Variants in ANKRD31 observed in about 807,000 individuals in gnomAD.
The protein encoded by ANKRD31 is ankyrin repeat domain 31, also known as ankyrin repeat domain-containing protein 31.
ANKRD31 carries 147 observed loss-of-function variants against 186.0 expected under a neutral mutation model. The observed-to-expected ratio is 0.79, with a 90% CI of 0.69 to 0.91. ANKRD31 has a LOEUF of 0.91. Ranked by LOEUF, ANKRD31 falls within the 40% of genes least tolerant of loss-of-function variation. The probability of loss-of-function intolerance (pLI) is 0.00; values close to 1 mark genes in which losing one functional copy is unlikely to be tolerated. For missense variants in ANKRD31, 1,986 were observed against 2,148.8 expected, an observed-to-expected ratio of 0.92 and a Z score of 1.50; for synonymous variants, 673 against 736.4, an observed-to-expected ratio of 0.91 and a Z score of 1.39.
chr5:75,198,212 C>G (rs182361958), intron 6 of ANKRD31, among the ~76,000 whole-genome samples: 1 of 152,190 alleles, frequency 6.6e-6, no homozygotes, highest in Non-Finnish European at 1.5e-5. Context: ...CCCCCTTAAA[C>G]CTGTTCCAGA....
At chr5:75,184,569 A>G (rs1754569547) in intron 10 of ANKRD31, among the ~76,000 whole-genome samples, 1 of 151,966 alleles carries the variant, frequency 6.6e-6, no homozygotes, top group African/African-American at 2.4e-5. Flanking sequence ...TAATAATAAT[A>G]ATTCCATTTA....
intron 16 of ANKRD31, 78 bp downstream of exon 16, chr5:75,138,768 G>C: frequency 7.2e-7 from 1 of 1,382,820 alleles, no homozygotes. Flanking sequence ...GGAACAAATT[G>C]GAGGGGGCAG....
chr5:75,197,182 A>G lies in ANKRD31; in HGVS notation c.448-982T>C, dbSNP rs1227519624. ...CTCCCAAAGTACAGGGATTACACGCATGAGCCACCATGCCCAGCCTCACAA... is the reference window on the plus strand; with the variant it reads ...CTCCCAAAGTACAGGGATTACACGCGTGAGCCACCATGCCCAGCCTCACAA... On this transcript the variant is annotated intron_variant, in intron 6 of 25. Coordinates refer to ENST00000506364, the MANE Select transcript of ANKRD31 (RefSeq NM_001372053.1). 2.0e-5 allele frequency among the ~76,000 whole-genome samples: 3 copies of G among 152,302 alleles called. No individual in the cohort carries two copies. In the East Asian group the frequency reaches 5.8e-4, roughly 29 times the overall value.
chr5:75,144,829 T>C (rs1453443853), intron 14 of ANKRD31, among the ~76,000 whole-genome samples: 1 of 151,816 alleles, frequency 6.6e-6, no homozygotes, highest in Non-Finnish European at 1.5e-5. Flanking sequence ...TGGAAGAAAA[T>C]TTTTGCGATC....
intron 11 of ANKRD31, among the ~76,000 whole-genome samples, chr5:75,163,368 G>A (rs552451585): frequency 7.2e-5 from 11 of 152,282 alleles, no homozygotes; most frequent in Non-Finnish European, 1.0e-4. Context: ...GTGGGGCAAC[G>A]TGGGGAACCT....
intron 18 of ANKRD31, 31 bp downstream of exon 18, chr5:75,118,104 T>C (rs1474063678): frequency 7.4e-7 from 1 of 1,350,934 alleles, no homozygotes; most frequent in Non-Finnish European, 9.5e-7. Flanking sequence ...TATATCTCTA[T>C]ATAAAATAGC....
chr5:75,220,441 A>T (rs924676682), intron 3 of ANKRD31, among the ~76,000 whole-genome samples: 9 of 152,064 alleles, frequency 5.9e-5, no homozygotes, highest in African/African-American at 1.9e-4. Flanking sequence ...AAAGTTCGAG[A>T]CCAGCCGAAC....
intron 10 of ANKRD31, among the ~76,000 whole-genome samples, chr5:75,171,299 A>G (rs1212220713): frequency 6.6e-6 from 1 of 152,022 alleles, no homozygotes; most frequent in Non-Finnish European, 1.5e-5. Context: ...TCAAATTAGA[A>G]ATCAATAACA....
chr5:75,097,835 T>C (rs1441141887), intron 22 of ANKRD31, among the ~76,000 whole-genome samples: 1 of 152,204 alleles, frequency 6.6e-6, no homozygotes, highest in Non-Finnish European at 1.5e-5. Flanking sequence ...AATTTTTGTA[T>C]AAGGTGTAAG....
rs965686491 is a variant in ANKRD31, at chr5:75,118,176, A to G, written c.3998T>C (p.Ile1333Thr). The G allele has an allele frequency of 8.5e-6, 13 of 1,522,136 alleles. No homozygotes were observed. The African/African-American group carries it at 1.1e-4, about 13-fold the overall frequency. The allele number at this position is 1,522,136 out of a possible 1,614,324, so 94.3% of individuals were successfully genotyped here. The change falls in exon 18 of 26, where the codon ATT becomes ACT. Residue 1333 changes from isoleucine (I) to threonine (T), a missense_variant. Coordinates refer to ENST00000506364, the MANE Select transcript of ANKRD31 (RefSeq NM_001372053.1). Reference sequence around the variant, plus strand: ...ACTCTCATCTCTATTAACAGTCTCAATAGCACCATAAGATCTTAGTAATTC... The same window carrying G: ...ACTCTCATCTCTATTAACAGTCTCAGTAGCACCATAAGATCTTAGTAATTC... ...MKELLRSYGA[I>T]ETVNRDESDA...
rs185845913 is a variant in ANKRD31 at position 75,124,818 on chromosome 5, G to T, written c.3877-6521C>A. Among the ~76,000 whole-genome samples, 42 of 152,210 alleles carry T rather than the reference G, an allele frequency of 2.8e-4. No homozygotes were observed. In the East Asian group the frequency reaches 7.3e-3, roughly 27 times the overall value. ...ATAATAGTCACTGGAGACTCAGAAG[G>T]GTAGGGGGTGGGAGGGGGTTGAGGG... On this transcript the variant is annotated intron_variant, in intron 17 of 25. Coordinates refer to ENST00000506364, the MANE Select transcript of ANKRD31 (RefSeq NM_001372053.1).
At chr5:75,103,650 C>T (rs1359529015) in intron 22 of ANKRD31, among the ~76,000 whole-genome samples, 1 of 152,152 alleles carries the variant, frequency 6.6e-6, no homozygotes, top group African/African-American at 2.4e-5. Flanking sequence ...GCATATACAC[C>T]ATGGAATACT....
At chr5:75,200,667 C>T (rs1755763634) in intron 5 of ANKRD31, among the ~76,000 whole-genome samples, 1 of 151,176 alleles carries the variant, frequency 6.6e-6, no homozygotes, top group Admixed American at 6.6e-5. Context: ...AATCCCAGCA[C>T]TTTGGGAAGC....
rs1747444400 is a variant in ANKRD31 at position 75,107,702 on chromosome 5, T to C, written c.4244-85A>G. The C allele has an allele frequency of 7.9e-6, 6 of 762,312 alleles. No individual in the cohort carries two copies. In the East Asian group the frequency reaches 1.4e-4, roughly 17 times the overall value. The allele number at this position is 762,312 out of a possible 1,614,324, so 47.2% of individuals were successfully genotyped here. A position where few individuals can be genotyped will look rare whatever the true frequency, so the allele number is the denominator to read the frequency against. ...ATACGAGAATTAGCCCTATTGTTAA[T>C]TTTAAAAAGCGTTATTCCCTATGAT... On this transcript the variant is annotated intron_variant, in intron 20 of 25. Transcript: ENST00000506364.
intron 20 of ANKRD31, among the ~76,000 whole-genome samples, chr5:75,108,026 T>C (rs1747472814): frequency 6.6e-6 from 1 of 151,990 alleles, no homozygotes; most frequent in South Asian, 2.1e-4. Flanking sequence ...CATATAAATA[T>C]TTACATAGAT....
At chr5:75,074,573 A>G (rs1181327099) in intron 25 of ANKRD31, among the ~76,000 whole-genome samples, 2 of 152,234 alleles carry the variant, frequency 1.3e-5, no homozygotes, top group African/African-American at 2.4e-5. Context: ...GCCGACTAGG[A>G]TAATCCCCAA....
intron 21 of ANKRD31, 124 bp from the exon 22 acceptor site, chr5:75,105,342 C>G (rs777756826): frequency 6.6e-6 from 7 of 1,064,612 alleles, no homozygotes; most frequent in Admixed American, 3.7e-5. Context: ...CAAAACTATG[C>G]CTGTGCAATT....
intron 25 of ANKRD31, among the ~76,000 whole-genome samples, chr5:75,077,733 G>A (rs577346144): frequency 2.2e-4 from 33 of 152,102 alleles, no homozygotes; most frequent in African/African-American, 8.0e-4. Context: ...AGACCATCCT[G>A]GCTAACACAG....
intron 22 of ANKRD31, among the ~76,000 whole-genome samples, chr5:75,098,657 A>C (rs1019208528): frequency 1.3e-5 from 2 of 152,038 alleles, no homozygotes; most frequent in Admixed American, 6.5e-5. Context: ...ATCCCTTGTA[A>C]GTTGGATTTC....
Sources: gnomAD v4.1 joint callset for allele counts (sites outside exome capture counted in the v4.1 genomes callset) on GRCh38, gnomAD v4.1.1 for gene constraint, MANE v1.5 for transcripts, NCBI Gene and HGNC (gene_info 2026-07-23, HGNC 2026-07-21) for gene names.